The following KIF4A variants were observed in gnomAD, a reference collection of about 807,000 sequenced individuals.
KIF4A encodes kinesin family member 4A, also known as chromosome-associated kinesin KIF4A.
In KIF4A, 7 loss-of-function variants were observed where a neutral mutation model predicts 105.9. The ratio of observed to expected loss-of-function variants is 0.07; its 90% CI spans 0.04 to 0.12. The LOEUF (loss-of-function observed/expected upper bound fraction) is 0.12. Among genes scored for constraint, KIF4A ranks in the 10% least tolerant of loss-of-function variants. The pLI, the probability that KIF4A is intolerant of heterozygous loss-of-function variation, is 1.00. For missense variants in KIF4A, 558 were observed against 929.2 expected (o/e 0.60, Z 5.19); for synonymous variants, 281 against 331.3 (o/e 0.85, Z 1.65).
At chrX:70,302,473 A>G in intron 7 of KIF4A, 75 bp downstream of exon 7, 2 of 1,006,457 alleles carry the variant, frequency 2.0e-6, no homozygotes, top group Non-Finnish European at 2.8e-6. Context: ...GGTGTTTTCG[A>G]CTGGGATTTG....
At chrX:70,350,355 G>T (rs5936876) in intron 13 of KIF4A, among the ~76,000 whole-genome samples, 2 of 110,847 alleles carry the variant, frequency 1.8e-5, no homozygotes, top group Non-Finnish European at 3.8e-5. Flanking sequence ...CTTGGCGGCG[G>T]GTGCCTGCAT....
chrX:70,401,327 C>T (rs7887730), intron 22 of KIF4A, among the ~76,000 whole-genome samples: 190 of 109,661 alleles, frequency 1.7e-3, no homozygotes, highest in Middle Eastern at 0.015. Flanking sequence ...ATTTGCCTGC[C>T]TCGGCCTCCC....
chrX:70,330,106 C>G lies in KIF4A; in HGVS notation c.896-51C>G, dbSNP rs1486863533. 3.7e-6 allele frequency: 4 copies of G among 1,076,150 alleles called. No individual in the cohort carries two copies. The African/African-American group carries it at 7.4e-5, about 20-fold the overall frequency. The allele number at this position is 1,076,150 out of a possible 1,213,427, so 88.7% of individuals were successfully genotyped here. A position where few individuals can be genotyped will look rare whatever the true frequency, so the allele number is the denominator to read the frequency against. ...CCGAATGGACGGCTTTGCTTATATCCTACTTGTTTGATTTCATTTCCTTTC... is the reference window on the plus strand; with the variant it reads ...CCGAATGGACGGCTTTGCTTATATCGTACTTGTTTGATTTCATTTCCTTTC... On this transcript the variant is annotated intron_variant, in intron 8 of 30. Transcript: ENST00000374403.
chrX:70,322,512 C>T (rs1227651355), intron 7 of KIF4A, among the ~76,000 whole-genome samples: 4 of 108,009 alleles, frequency 3.7e-5, no homozygotes, highest in East Asian at 5.9e-4. Context: ...GGGGTTTCAC[C>T]GTGTTAGCCA....
chrX:70,363,008 G>C (rs1438824051), intron 15 of KIF4A, among the ~76,000 whole-genome samples: 1 of 109,984 alleles, frequency 9.1e-6, no homozygotes, highest in Non-Finnish European at 1.9e-5. Flanking sequence ...CTACAGCCTT[G>C]ACTTCCTGGG....
intron 10 of KIF4A, among the ~76,000 whole-genome samples, chrX:70,336,868 G>C (rs1027463310): frequency 9.0e-6 from 1 of 111,313 alleles, no homozygotes; most frequent in African/African-American, 3.3e-5. Context: ...TCATCTTGCA[G>C]AACTGAAACT....
intron 28 of KIF4A, among the ~76,000 whole-genome samples, chrX:70,410,853 C>T (rs1457187052): frequency 1.3e-4 from 15 of 111,676 alleles, no homozygotes. Flanking sequence ...GGGTTGTGGA[C>T]CCCCTGGTCT....
At chrX:70,326,315 C>T (rs1015711613) in intron 7 of KIF4A, among the ~76,000 whole-genome samples, 2 of 111,582 alleles carry the variant, frequency 1.8e-5, no homozygotes, top group Admixed American at 1.9e-4. Flanking sequence ...GGCCTTTACC[C>T]GATGAATGCC....
At chrX:70,369,403 A>G (rs2147716371) in intron 15 of KIF4A, among the ~76,000 whole-genome samples, 1 of 111,973 alleles carries the variant, frequency 8.9e-6, no homozygotes, top group South Asian at 3.7e-4. Flanking sequence ...CCCCCTAGAA[A>G]CTATTTTTCA....
At chrX:70,392,797 T>C (rs1162177425) in intron 20 of KIF4A, among the ~76,000 whole-genome samples, 4 of 107,144 alleles carry the variant, frequency 3.7e-5, no homozygotes, top group Non-Finnish European at 5.7e-5. Context: ...AATAAAAAAA[T>C]TCAAAACAAC....
chrX:70,395,005 G>T (rs988014294), intron 20 of KIF4A, among the ~76,000 whole-genome samples: 4 of 112,459 alleles, frequency 3.6e-5, no homozygotes, highest in Non-Finnish European at 5.6e-5. Flanking sequence ...CAGCACTTTG[G>T]GAGGCCAAGG....
chrX:70,393,428 T>A (rs2086245153), intron 20 of KIF4A, among the ~76,000 whole-genome samples: 1 of 111,714 alleles, frequency 9.0e-6, no homozygotes, highest in Non-Finnish European at 1.9e-5. Context: ...GGAGTATCTA[T>A]AAATGTCAAT....
At chrX:70,407,382 C>T (rs929535505) in intron 28 of KIF4A, among the ~76,000 whole-genome samples, 1 of 111,964 alleles carries the variant, frequency 8.9e-6, no homozygotes, top group African/African-American at 3.2e-5. Context: ...GCTAGGATTA[C>T]AGGTGTGAGC....
At chrX:70,375,871 G>A (rs976983494) in intron 17 of KIF4A, among the ~76,000 whole-genome samples, 2 of 111,507 alleles carry the variant, frequency 1.8e-5, no homozygotes, top group Non-Finnish European at 3.8e-5. Flanking sequence ...TAGCTTGTAG[G>A]TACATTTTTA....
chrX:70,363,769 G>A (rs2086088094), intron 15 of KIF4A, among the ~76,000 whole-genome samples: 1 of 111,950 alleles, frequency 8.9e-6, no homozygotes, highest in Non-Finnish European at 1.9e-5. Context: ...TAATGGGATG[G>A]CTGGGTCAAA....
chrX:70,301,182 GA>G (rs1333806378), intron 5 of KIF4A, among the ~76,000 whole-genome samples: 1 of 111,548 alleles, frequency 9.0e-6, no homozygotes, highest in Non-Finnish European at 1.9e-5. Flanking sequence ...TTTGTGGGAG[GA>G]AGATGAATTT....
chrX:70,389,079 G>A (rs2070469192), intron 20 of KIF4A, among the ~76,000 whole-genome samples: 1 of 110,848 alleles, frequency 9.0e-6, no homozygotes, highest in Non-Finnish European at 1.9e-5. Flanking sequence ...GTAAGATCCT[G>A]TCTCTACAAA....
chrX:70,298,255 A>T (rs1786287498), intron 4 of KIF4A, among the ~76,000 whole-genome samples: 1 of 111,002 alleles, frequency 9.0e-6, no homozygotes, highest in African/African-American at 3.3e-5. Flanking sequence ...TCTTTTGAGA[A>T]AGAGTCCCAC....
At position 70,314,261 on chromosome X, in the gene KIF4A, T is replaced by C. The variant is rs190164455; in HGVS notation, c.778+11863T>C. 1.2e-3 allele frequency among the ~76,000 whole-genome samples: 132 copies of C among 112,458 alleles called. 1 individual carries two copies. The highest frequency in any genetic ancestry group is 4.0e-3 in the African/African-American group (123 of 30,992). ...GTTAGAGGGAATCATTTTCTACTTA[T>C]CAAGAACTAAGAAAGTTGCTAAACC... On this transcript the variant is annotated intron_variant, in intron 7 of 30. Coordinates refer to ENST00000374403, the MANE Select transcript of KIF4A (RefSeq NM_012310.5).
Sources: gnomAD v4.1 joint callset for allele counts (sites outside exome capture counted in the v4.1 genomes callset) on GRCh38, gnomAD v4.1.1 for gene constraint, MANE v1.5 for transcripts, NCBI Gene and HGNC (gene_info 2026-07-23, HGNC 2026-07-21) for gene names.